Variants in PRH1 observed in about 807,000 individuals in gnomAD.
The protein encoded by PRH1 is salivary acidic proline-rich phosphoprotein 1/2.
PRH1 carries 7 observed loss-of-function variants against 7.9 expected under a neutral mutation model. The observed-to-expected ratio is 0.89, with a 90% CI of 0.50 to 1.67. The LOEUF (loss-of-function observed/expected upper bound fraction) is 1.67. PRH1 is among the 40% of genes most tolerant of loss of function. The pLI is 0.00. For synonymous variants in PRH1, 45 were observed against 80.8 expected, an observed-to-expected ratio of 0.56 and a Z score of 2.38; for missense variants, 109 against 223.6, an observed-to-expected ratio of 0.49 and a Z score of 3.27.
At chr12:11,042,042 A>G (rs1214068183) in intron 1 of PRH1, among the ~76,000 whole-genome samples, 2 of 152,244 alleles carry the variant, frequency 1.3e-5, no homozygotes, top group South Asian at 2.1e-4. Context: ...ATTCAAATAA[A>G]CAACCTAATT....
intron 1 of PRH1, among the ~76,000 whole-genome samples, chr12:11,094,576 T>A (rs1457881113): frequency 8.7e-6 from 1 of 114,874 alleles, no homozygotes; most frequent in Non-Finnish European, 2.1e-5. Context: ...GCAGATAACA[T>A]CATCTCAAAT....
chr12:11,075,203 T>TC (rs1944243811), intron 1 of PRH1, among the ~76,000 whole-genome samples: 1 of 28,008 alleles, frequency 3.6e-5, no homozygotes, highest in Admixed American at 4.7e-4. Flanking sequence ...TACTAAAATA[T>TC]ATATATAAAT....
At chr12:10,995,625 T>A (rs1322043858) in intron 1 of PRH1, among the ~76,000 whole-genome samples, 1 of 152,158 alleles carries the variant, frequency 6.6e-6, no homozygotes, top group African/African-American at 2.4e-5. Flanking sequence ...TGAGCTTCTT[T>A]TTAAAGTAAG....
At chr12:11,127,224 T>C (rs1592065198) in intron 1 of PRH1, among the ~76,000 whole-genome samples, 1 of 152,302 alleles carries the variant, frequency 6.6e-6, no homozygotes, top group Middle Eastern at 3.2e-3. Flanking sequence ...AAATTTTTCA[T>C]ACTGATGTTG....
At chr12:11,157,083 T>C (rs973168841) in intron 1 of PRH1, among the ~76,000 whole-genome samples, 3 of 152,022 alleles carry the variant, frequency 2.0e-5, no homozygotes, top group South Asian at 2.1e-4. Context: ...CCTGACCTCG[T>C]GATCTGCCTG....
intron 1 of PRH1, among the ~76,000 whole-genome samples, chr12:10,988,237 T>C (rs1939749460): frequency 6.6e-6 from 1 of 150,454 alleles, no homozygotes; most frequent in Non-Finnish European, 1.5e-5. Flanking sequence ...TTTTGGAGGG[T>C]TTCTCTAGTA....
chr12:10,992,601 C>A (rs1279049517), intron 1 of PRH1, among the ~76,000 whole-genome samples: 1 of 152,100 alleles, frequency 6.6e-6, no homozygotes, highest in African/African-American at 2.4e-5. Context: ...CTTTAACAAA[C>A]AGGGTCTTGC....
intron 1 of PRH1, among the ~76,000 whole-genome samples, chr12:11,085,480 GA>G (rs1944656600): frequency 8.4e-6 from 1 of 118,720 alleles, no homozygotes; most frequent in Admixed American, 8.3e-5. Context: ...AGGCCTAATG[GA>G]CAAGATTCCC....
At chr12:10,986,732 TGAG>T (rs746875071) in intron 1 of PRH1, 4 of 1,612,936 alleles carry the variant, frequency 2.5e-6, no homozygotes, top group Non-Finnish European at 2.5e-6. Context: ...TTTGGTCAGC[TGAG>T]GAGATCTTTT....
At chr12:10,913,519 T>A (rs185731817) in intron 2 of PRH1, among the ~76,000 whole-genome samples, 1 of 152,224 alleles carries the variant, frequency 6.6e-6, no homozygotes, top group Non-Finnish European at 1.5e-5. Context: ...GTTAGTGTTT[T>A]ATGGTGTGAT....
At chr12:11,057,112 T>G (rs926307664) in intron 1 of PRH1, among the ~76,000 whole-genome samples, 2 of 151,814 alleles carry the variant, frequency 1.3e-5, no homozygotes, top group African/African-American at 4.8e-5. Flanking sequence ...GCTCAAGCAA[T>G]CCTCCTGCCT....
At chr12:11,154,032 G>A (rs1021048870) in intron 1 of PRH1, among the ~76,000 whole-genome samples, 1 of 152,032 alleles carries the variant, frequency 6.6e-6, no homozygotes, top group African/African-American at 2.4e-5. Flanking sequence ...TTTAAAAATA[G>A]TATAAAATAT....
At chr12:11,096,906 T>G (rs1309103669) in intron 1 of PRH1, among the ~76,000 whole-genome samples, 1 of 113,708 alleles carries the variant, frequency 8.8e-6, no homozygotes, top group Non-Finnish European at 2.1e-5. Context: ...CACGCCATTC[T>G]CCTGCCCCAG....
chr12:10,992,329 C>T (rs992598709), intron 1 of PRH1, among the ~76,000 whole-genome samples: 10 of 145,096 alleles, frequency 6.9e-5, no homozygotes, highest in Non-Finnish European at 1.5e-4. Context: ...TGAACTAACA[C>T]TAATAATATT....
chr12:11,041,790 C>A (rs554245662), intron 1 of PRH1, among the ~76,000 whole-genome samples: 2 of 152,134 alleles, frequency 1.3e-5, no homozygotes, highest in South Asian at 2.1e-4. Flanking sequence ...ACTCTGGCCA[C>A]AATGGGATAA....
Position 11,061,735 on chromosome 12 carries a change from G to A in PRH1, n.124-14547C>T, listed in dbSNP as rs1476535685. The A allele has an allele frequency of 4.3e-6, 7 of 1,614,012 alleles. No individual in the cohort carries two copies. The South Asian group carries it at 5.5e-5, about 13-fold the overall frequency. On this transcript the variant is annotated intron_variant and non_coding_transcript_variant, in intron 1 of 4. Transcript: ENST00000541977. ...AAAAGATATCAGGGTCAGAGTGAAG[G>A]GAACTAAGTTTGCTAGGATGGTTAC...
chr12:11,160,916 G>A (rs1947394007), intron 1 of PRH1, among the ~76,000 whole-genome samples: 1 of 152,126 alleles, frequency 6.6e-6, no homozygotes, highest in African/African-American at 2.4e-5. Flanking sequence ...ACATTTGTAT[G>A]GCTATTTTAA....
intron 1 of PRH1, among the ~76,000 whole-genome samples, chr12:11,100,759 T>C (rs951830446): frequency 7.9e-5 from 12 of 152,206 alleles, no homozygotes; most frequent in Non-Finnish European, 1.5e-4. Flanking sequence ...AGTAGCATTA[T>C]ATGTGCACAA....
intron 1 of PRH1, among the ~76,000 whole-genome samples, chr12:11,033,991 C>T (rs1464186166): frequency 4.0e-5 from 6 of 149,766 alleles, no homozygotes; most frequent in African/African-American, 7.4e-5. Flanking sequence ...TTCGCATCTC[C>T]TGATATAAGC....
Sources: allele counts gnomAD v4.1 joint callset (sites outside exome capture counted in the v4.1 genomes callset), GRCh38; gene constraint gnomAD v4.1.1; transcripts MANE v1.5; gene names NCBI Gene and HGNC (gene_info 2026-07-23, HGNC 2026-07-21).